Variants in GPR39 observed in about 807,000 individuals in gnomAD.
GPR39 encodes the protein G protein-coupled receptor 39.
GPR39 carries 23 observed loss-of-function variants against 18.4 expected under a neutral mutation model. That is an observed-to-expected ratio of 1.25 (90% CI 0.90 to 1.77). GPR39 has a LOEUF of 1.77. GPR39 is among the 40% of genes most tolerant of loss of function. The pLI, the probability that GPR39 is intolerant of heterozygous loss-of-function variation, is 0.00. For synonymous variants in GPR39, 280 were observed against 257.9 expected (o/e 1.09, Z -0.82); for missense variants, 647 against 602.4 (o/e 1.07, Z -0.78).
intron 1 of GPR39, among the ~76,000 whole-genome samples, chr2:132,430,531 T>C (rs1456010196): frequency 6.6e-6 from 1 of 152,122 alleles, no homozygotes; most frequent in African/African-American, 2.4e-5. Context: ...AAGAACCAGA[T>C]TTATCAGGGA....
At chr2:132,640,676 A>T (rs1418562617) in intron 1 of GPR39, among the ~76,000 whole-genome samples, 2 of 152,226 alleles carry the variant, frequency 1.3e-5, no homozygotes, top group Non-Finnish European at 2.9e-5. Flanking sequence ...GATTGCAGCC[A>T]AACATGCATT....
At chr2:132,549,006 A>G (rs1174007846) in intron 1 of GPR39, among the ~76,000 whole-genome samples, 1 of 152,140 alleles carries the variant, frequency 6.6e-6, no homozygotes, top group African/African-American at 2.4e-5. Context: ...ATGTATTCTT[A>G]TATTATTACC....
At chr2:132,587,357 A>G (rs1015693808) in intron 1 of GPR39, among the ~76,000 whole-genome samples, 1 of 152,212 alleles carries the variant, frequency 6.6e-6, no homozygotes, top group African/African-American at 2.4e-5. Context: ...CTCTGTCATA[A>G]TAGGCCAAGA....
At chr2:132,429,481 G>C (rs1461715476) in intron 1 of GPR39, among the ~76,000 whole-genome samples, 1 of 152,222 alleles carries the variant, frequency 6.6e-6, no homozygotes, top group African/African-American at 2.4e-5. Flanking sequence ...TCAGAAGCTT[G>C]CTTTCCCAGC....
intron 1 of GPR39, among the ~76,000 whole-genome samples, chr2:132,435,422 CT>C (rs1680295919): frequency 6.6e-6 from 1 of 151,818 alleles, no homozygotes; most frequent in Non-Finnish European, 1.5e-5. Context: ...ATAACTTTCT[CT>C]TTCTCTAGCT....
rs1679910617 is a variant in GPR39 at position 132,416,897 on chromosome 2, C to T, written c.-146C>T. On this transcript the variant is annotated 5_prime_UTR_variant, in exon 1 of 2. Transcript: ENST00000329321. The stretch of plus-strand genomic sequence containing the variant: ...AGTTTCCATGAAAGCACCTGAAATA[C>T]TAAGTTACCTTCGCGAGGAGAACTC... The T allele has an allele frequency of 9.2e-7, 1 of 1,082,136 alleles. No individual in the cohort carries two copies. The highest frequency in any genetic ancestry group is 2.4e-5 in the East Asian group (1 of 41,408). 67.0% of individuals were successfully genotyped at this position (1,082,136 alleles called of 1,614,324 possible).
chr2:132,591,393 T>C (rs1261796825), intron 1 of GPR39, among the ~76,000 whole-genome samples: 1 of 152,250 alleles, frequency 6.6e-6, no homozygotes, highest in East Asian at 1.9e-4. Flanking sequence ...TTCTTCAGTT[T>C]TTGGTCTCCT....
intron 1 of GPR39, among the ~76,000 whole-genome samples, chr2:132,477,862 C>T (rs959368438): frequency 6.6e-6 from 1 of 152,164 alleles, no homozygotes; most frequent in Non-Finnish European, 1.5e-5. Context: ...AAGAATTGAT[C>T]ACATAATGGC....
At chr2:132,566,635 G>T (rs2104808991) in intron 1 of GPR39, among the ~76,000 whole-genome samples, 1 of 152,312 alleles carries the variant, frequency 6.6e-6, no homozygotes, top group Non-Finnish European at 1.5e-5. Flanking sequence ...TGGCACAGAT[G>T]CAAGAGAAAA....
chr2:132,586,959 G>A (rs959384858), intron 1 of GPR39, among the ~76,000 whole-genome samples: 2 of 152,204 alleles, frequency 1.3e-5, no homozygotes, highest in Non-Finnish European at 2.9e-5. Flanking sequence ...GGGCTGCAAT[G>A]GAAAGTAGGA....
intron 1 of GPR39, among the ~76,000 whole-genome samples, chr2:132,629,336 C>T (rs762893650): frequency 3.9e-5 from 6 of 152,158 alleles, no homozygotes; most frequent in Non-Finnish European, 7.3e-5. Flanking sequence ...AACAAGCTCT[C>T]GGGATATCCC....
intron 1 of GPR39, among the ~76,000 whole-genome samples, chr2:132,574,212 T>A (rs1231019205): frequency 6.6e-6 from 1 of 152,254 alleles, no homozygotes; most frequent in African/African-American, 2.4e-5. Context: ...TGAGGCAGTG[T>A]TGAATGAATG....
At chr2:132,638,409 A>G (rs1681802746) in intron 1 of GPR39, among the ~76,000 whole-genome samples, 1 of 152,208 alleles carries the variant, frequency 6.6e-6, no homozygotes, top group South Asian at 2.1e-4. Flanking sequence ...AGCAGAGTCA[A>G]CAGAGGGCTT....
chr2:132,546,558 G>A (rs1434246475), intron 1 of GPR39, among the ~76,000 whole-genome samples: 1 of 152,104 alleles, frequency 6.6e-6, no homozygotes, highest in African/African-American at 2.4e-5. Context: ...GAAGGGGCCT[G>A]GGGCTTGTCT....
At chr2:132,417,987 G>A (rs2104750683) in intron 1 of GPR39, 89 bp downstream of exon 1, 13 of 1,475,866 alleles carry the variant, frequency 8.8e-6, no homozygotes, top group South Asian at 1.3e-5. Context: ...TCCAGGGCAA[G>A]TCTTGCCCTA....
chr2:132,549,825 T>G (rs2104793506), intron 1 of GPR39, among the ~76,000 whole-genome samples: 1 of 152,230 alleles, frequency 6.6e-6, no homozygotes, highest in South Asian at 2.1e-4. Flanking sequence ...TAAGATACAC[T>G]CCCTAAGAAT....
Position 132,625,072 on chromosome 2 carries a change from A to AT in GPR39, c.857-20013dup, listed in dbSNP as rs113383110. Among the ~76,000 whole-genome samples, 1,016 of 141,186 alleles carry AT rather than the reference A, an allele frequency of 7.2e-3. 4 individuals are homozygous for AT. Among genetic ancestry groups the AT allele is most frequent in the African/African-American group, 0.012 (475 of 38,718 alleles). 92.6% of individuals were successfully genotyped at this position (141,186 alleles called of 152,430 possible). A position where few individuals can be genotyped will look rare whatever the true frequency, so the allele number is the denominator to read the frequency against. Reference sequence around the variant, plus strand: ...GTGTACGGGAGTTCTAGGTGCTCCAATTTTTTTTTTTTTTTTGCTTCTACA... The same window carrying AT: ...GTGTACGGGAGTTCTAGGTGCTCCAATTTTTTTTTTTTTTTTTGCTTCTACA... On this transcript the variant is annotated intron_variant, in intron 1 of 1. Coordinates refer to ENST00000329321, the MANE Select transcript of GPR39 (RefSeq NM_001508.3).
At chr2:132,622,548 C>T (rs774143359) in intron 1 of GPR39, among the ~76,000 whole-genome samples, 20 of 152,220 alleles carry the variant, frequency 1.3e-4, no homozygotes, top group South Asian at 4.1e-4. Flanking sequence ...TTCATGGAGT[C>T]AGAAATTGCA....
At chr2:132,631,153 G>A (rs983790228) in intron 1 of GPR39, among the ~76,000 whole-genome samples, 1 of 152,172 alleles carries the variant, frequency 6.6e-6, no homozygotes, top group African/African-American at 2.4e-5. Flanking sequence ...CTGCCATTTG[G>A]CGATTATCAA....
Sources: allele counts gnomAD v4.1 joint callset (sites outside exome capture counted in the v4.1 genomes callset), GRCh38; gene constraint gnomAD v4.1.1; transcripts MANE v1.5; gene names NCBI Gene and HGNC (gene_info 2026-07-23, HGNC 2026-07-21).